TRA2B: variants seen among roughly 807,000 people sequenced by gnomAD.
TRA2B encodes the protein transformer 2 beta homolog, also known as transformer-2 protein homolog beta.
TRA2B carries 14 observed loss-of-function variants against 41.7 expected under a neutral mutation model. That is an observed-to-expected ratio of 0.34 (90% CI 0.22 to 0.53). The LOEUF (loss-of-function observed/expected upper bound fraction) is 0.53. TRA2B is among the 20% of genes least tolerant of loss of function. The pLI is 0.95. For missense variants in TRA2B, 167 were observed against 396.8 expected (o/e 0.42, Z 4.92); for synonymous variants, 130 against 128.8 (o/e 1.01, Z -0.06).
chr3:185,937,991 C>T lies in TRA2B; in HGVS notation c.-131G>A, dbSNP rs1362177146. On this transcript the variant is annotated 5_prime_UTR_variant, in exon 1 of 9. Coordinates refer to ENST00000453386, the MANE Select transcript of TRA2B (RefSeq NM_004593.3). ...CCCAGCCGCTCAGAGCCGAAATGCT[C>T]CGCACCGCCTCCGCACGGGCTCTAA... 10 of 1,049,980 alleles carry T rather than the reference C, an allele frequency of 9.5e-6. No homozygotes were observed. Among genetic ancestry groups the T allele is most frequent in the Non-Finnish European group, 1.4e-5 (10 of 706,782 alleles). 65.0% of individuals were successfully genotyped at this position (1,049,980 alleles called of 1,614,324 possible). A position where few individuals can be genotyped will look rare whatever the true frequency, so the allele number is the denominator to read the frequency against.
rs770725405 is a variant in TRA2B at position 185,925,619 on chromosome 3, A to T, written c.178T>A (p.Ser60Thr). Residue 60 changes from serine (S) to threonine (T), a missense_variant, in exon 3 of 9, where the codon TCC becomes ACC. By Grantham distance (58) the Ser-to-Thr change is moderately conservative. Around this residue, in one of 5 missense-constraint regions of TRA2B, gnomAD observed 94 missense variants for 133.4 expected, o/e 0.70. Transcript: ENST00000453386. ...TAATGCCTTCGGGAGCTTCTTCTGG[A>T]TCTAGACCTGCAAGACAAAGACCTC... ...SRSRSESRSR[S>T]RRSSRRHYTR... 1 of 1,612,408 alleles carries T rather than the reference A, an allele frequency of 6.2e-7. No homozygotes were observed. Among genetic ancestry groups the T allele is most frequent in the African/African-American group, 1.3e-5 (1 of 74,802 alleles).
chr3:185,936,900 A>C lies in TRA2B; in HGVS notation c.36+925T>G. 6.1e-6 allele frequency: 6 copies of C among 985,266 alleles called. No individual in the cohort carries two copies. The South Asian group carries it at 2.8e-4, about 46-fold the overall frequency. 61.0% of individuals were successfully genotyped at this position (985,266 alleles called of 1,614,324 possible). On this transcript the variant is annotated intron_variant, in intron 1 of 8. Coordinates refer to ENST00000453386, the MANE Select transcript of TRA2B (RefSeq NM_004593.3). ...TGTTCCCGCAATTCAATCAACCCTC[A>C]CTGAACACCTTTAAGAGGTGGAAAC... is the stretch of plus-strand genomic sequence containing the variant.
intron 4 of TRA2B, chr3:185,922,461 A>T (rs1578475368): frequency 5.7e-6 from 1 of 173,914 alleles, no homozygotes; most frequent in East Asian, 1.5e-4. Flanking sequence ...CTAAAAATTT[A>T]AATAACTAGG....
Position 185,926,717 on chromosome 3 carries a change from G to A in TRA2B, c.54C>T (p.Ser18=). 6.2e-7 allele frequency: 1 copy of A among 1,614,008 alleles called. No individual in the cohort carries two copies. The highest frequency in any genetic ancestry group is 1.1e-5 in the South Asian group (1 of 91,082). ...CCGATCCGTGAGCACTTCCACTTCT[G>A]GAAGCAGAACGGGATTCCTACACGT... ...NYGERESRSA[S]RSGSAHGSGK... Residue 18 remains serine (S), a synonymous_variant, in exon 2 of 9, where the codon TCC becomes TCT. Coordinates refer to ENST00000453386, the MANE Select transcript of TRA2B (RefSeq NM_004593.3).
intron 1 of TRA2B, among the ~76,000 whole-genome samples, chr3:185,930,019 C>T (rs551412986): frequency 2.0e-5 from 3 of 152,058 alleles, no homozygotes; most frequent in African/African-American, 7.3e-5. Flanking sequence ...CCCTATGGCC[C>T]GAGGAGGAGA....
chr3:185,928,790 CAG>C (rs980018296), intron 1 of TRA2B: 2 of 152,208 alleles, frequency 1.3e-5, no homozygotes, highest in Admixed American at 6.5e-5. Context: ...CTGTAGTTAA[CAG>C]AAATCAGTCA....
rs1578477030 is a variant in TRA2B, at chr3:185,924,095, T to C, written c.334-111A>G. The C allele has an allele frequency of 1.1e-5, 10 of 915,552 alleles. 1 individual carries two copies. In the East Asian group the frequency reaches 2.7e-4, roughly 25 times the overall value. The allele number at this position is 915,552 out of a possible 1,614,324, so 56.7% of individuals were successfully genotyped here. ...TGTCACTAACAAGAAAAGTACATAA[T>C]GATTAGACCAAACACTGCTTAGAAA... On this transcript the variant is annotated intron_variant, in intron 3 of 8. Coordinates refer to ENST00000453386, the MANE Select transcript of TRA2B (RefSeq NM_004593.3).
chr3:185,930,314 T>A (rs1037314658), intron 1 of TRA2B, among the ~76,000 whole-genome samples: 1 of 152,168 alleles, frequency 6.6e-6, no homozygotes, highest in East Asian at 1.9e-4. Flanking sequence ...TTTGAGTAAT[T>A]TGGAACATAA....
intron 1 of TRA2B, chr3:185,928,082 G>T (rs1398035402): frequency 6.6e-6 from 1 of 152,188 alleles, no homozygotes; most frequent in Admixed American, 6.5e-5. Flanking sequence ...GGACATTCTT[G>T]AAAGGACAGT....
intron 3 of TRA2B, chr3:185,924,527 T>G (rs984081246): frequency 1.3e-5 from 2 of 152,498 alleles, no homozygotes; most frequent in African/African-American, 4.8e-5. Flanking sequence ...GAAACAAGAG[T>G]TGGCCAGGCG....
rs1743493787 is a variant in TRA2B at position 185,916,165 on chromosome 3, T to C, written c.*1550A>G. 6.6e-6 allele frequency: 1 copy of C among 152,236 alleles called. No homozygotes were observed. Among genetic ancestry groups the C allele is most frequent in the Admixed American group, 6.5e-5 (1 of 15,282 alleles). The allele number at this position is 152,236 out of a possible 1,614,324, so 9.4% of individuals were successfully genotyped here. A position where few individuals can be genotyped will look rare whatever the true frequency, so the allele number is the denominator to read the frequency against. ...CACCCTGGACAGTAAGTTTTACAAA[T>C]TAAGACCTGCCAATACTGCCTATGC... On this transcript the variant is annotated 3_prime_UTR_variant, in exon 9 of 9. Coordinates refer to ENST00000453386, the MANE Select transcript of TRA2B (RefSeq NM_004593.3).
At chr3:185,923,736 C>G (rs1743830750) in intron 4 of TRA2B, 60 bp downstream of exon 4, 1 of 1,476,706 alleles carries the variant, frequency 6.8e-7, no homozygotes. Flanking sequence ...CAATTGGTCA[C>G]TGATAACTTG....
chr3:185,932,960 G>A (rs1277712182), intron 1 of TRA2B, among the ~76,000 whole-genome samples: 1 of 152,144 alleles, frequency 6.6e-6, no homozygotes, highest in Non-Finnish European at 1.5e-5. Flanking sequence ...CTAACAAAAG[G>A]ATAATTTCCA....
intron 1 of TRA2B, chr3:185,927,566 C>T (rs2247511): frequency 0.084 from 12,812 of 152,208 alleles, 888 homozygotes; most frequent in South Asian, 0.3. Context: ...AGCTCCTAAC[C>T]TAGGGCCCAG....
intron 6 of TRA2B, among the ~76,000 whole-genome samples, chr3:185,920,530 C>T (rs1383029242): frequency 1.3e-5 from 2 of 152,090 alleles, no homozygotes; most frequent in South Asian, 2.1e-4. Context: ...CTGCCTCAGC[C>T]TATAATTTTG....
At chr3:185,937,293 G>A (rs1744400813) in intron 1 of TRA2B, 2 of 986,768 alleles carry the variant, frequency 2.0e-6, no homozygotes, top group Non-Finnish European at 2.4e-6. Context: ...AGGCAAAGAC[G>A]GTCCTTCGTT....
rs1743480932 is a variant in TRA2B at position 185,915,815 on chromosome 3, T to TAA, written c.*1898_*1899dup. ...GAGTGTGAACTCGCAAGCCATCAGT[T>TAA]AACTGATGGGGAGAGGTTTGGTTGG... is the stretch of plus-strand genomic sequence containing the variant. On this transcript the variant is annotated 3_prime_UTR_variant, in exon 9 of 9. Coordinates refer to ENST00000453386, the MANE Select transcript of TRA2B (RefSeq NM_004593.3). 1 of 152,182 alleles carries TAA rather than the reference T, an allele frequency of 6.6e-6. No individual in the cohort carries two copies. Among genetic ancestry groups the TAA allele is most frequent in the South Asian group, 2.1e-4 (1 of 4,822 alleles). The allele number at this position is 152,182 out of a possible 1,614,324, so 9.4% of individuals were successfully genotyped here. A position where few individuals can be genotyped will look rare whatever the true frequency, so the allele number is the denominator to read the frequency against.
intron 3 of TRA2B, 161 bp from the exon 4 acceptor site, chr3:185,924,145 A>G: frequency 1.8e-6 from 1 of 545,646 alleles, no homozygotes; most frequent in East Asian, 3.3e-5. Context: ...CAAGTACTAC[A>G]AGTATTTTTG....
intron 1 of TRA2B, 82 bp downstream of exon 1, chr3:185,937,743 T>A (rs1388226624): frequency 3.1e-6 from 5 of 1,600,988 alleles, no homozygotes; most frequent in Admixed American, 3.3e-5. Flanking sequence ...CGCCCCTGCC[T>A]CCTGGCCCGA....
Sources: allele counts gnomAD v4.1 joint callset (sites outside exome capture counted in the v4.1 genomes callset), GRCh38; gene constraint gnomAD v4.1.1; regional missense constraint gnomAD v4.1.1; transcripts MANE v1.5; gene names NCBI Gene and HGNC (gene_info 2026-07-23, HGNC 2026-07-21).